ARAP2: variants seen among roughly 807,000 people sequenced by gnomAD.
ARAP2 encodes arf-GAP with Rho-GAP domain, ANK repeat and PH domain-containing protein 2.
Under a neutral mutation model 194.5 loss-of-function variants are expected in ARAP2, and 148 were observed. The observed-to-expected ratio is 0.76, with a 90% CI of 0.67 to 0.87. The LOEUF (loss-of-function observed/expected upper bound fraction) is 0.87. ARAP2 is among the 40% of genes least tolerant of loss of function. ARAP2 has a pLI of 0.00. For synonymous variants in ARAP2, 695 were observed against 683.5 expected (o/e 1.02, Z -0.26); for missense variants, 2,128 against 1,989.7 (o/e 1.07, Z -1.32).
chr4:36,237,675 A>G (rs544252780), intron 1 of ARAP2, among the ~76,000 whole-genome samples: 1 of 152,308 alleles, frequency 6.6e-6, no homozygotes, highest in East Asian at 1.9e-4. Flanking sequence ...TGCCAGCTCC[A>G]TGCTTGTACA....
intron 32 of ARAP2, among the ~76,000 whole-genome samples, chr4:36,069,449 G>A (rs1726290677): frequency 6.6e-6 from 1 of 151,784 alleles, no homozygotes; most frequent in South Asian, 2.1e-4. Context: ...TGAATTGTAT[G>A]TATTTTTAAA....
chr4:36,105,544 A>C (rs1718162839), intron 27 of ARAP2, among the ~76,000 whole-genome samples: 1 of 151,980 alleles, frequency 6.6e-6, no homozygotes, highest in Non-Finnish European at 1.5e-5. Flanking sequence ...GATAGGTGGA[A>C]CATCACGAAA....
intron 1 of ARAP2, among the ~76,000 whole-genome samples, chr4:36,233,795 TCAC>T (rs1444732640): frequency 6.6e-6 from 1 of 152,232 alleles, no homozygotes; most frequent in African/African-American, 2.4e-5. Flanking sequence ...ATAATTATTT[TCAC>T]CACTATAGTC....
At chr4:36,044,039 G>T (rs1052067311) in intron 5 of ARAP2, among the ~76,000 whole-genome samples, 2 of 152,016 alleles carry the variant, frequency 1.3e-5, no homozygotes, top group Non-Finnish European at 2.9e-5. Context: ...CAGGAAATGC[G>T]CACCAGTATG....
intron 19 of ARAP2, among the ~76,000 whole-genome samples, chr4:36,136,783 A>ATATGTG (rs1490067782): frequency 7.0e-6 from 1 of 143,802 alleles, no homozygotes; most frequent in African/African-American, 2.6e-5. Context: ...AATCAAATAT[A>ATATGTG]TGTGTGTGTG....
intron 5 of ARAP2, among the ~76,000 whole-genome samples, chr4:36,040,120 G>A (rs1720598022): frequency 6.6e-6 from 1 of 152,088 alleles, no homozygotes; most frequent in African/African-American, 2.4e-5. Flanking sequence ...AGTTTAAAAT[G>A]GTCATTTTTA....
chr4:36,163,801 G>A (rs371235472), intron 11 of ARAP2, among the ~76,000 whole-genome samples: 1 of 152,168 alleles, frequency 6.6e-6, no homozygotes, highest in African/African-American at 2.4e-5. Context: ...ACAGCACAAA[G>A]GCCGTCTCTT....
At chr4:36,035,910 T>C (rs1359537272) in intron 5 of ARAP2, among the ~76,000 whole-genome samples, 1 of 152,154 alleles carries the variant, frequency 6.6e-6, no homozygotes. Context: ...TTCTCAACTG[T>C]TATACAGTAT....
In ARAP2 at chr4:36,068,247, A is replaced by C; in HGVS notation, c.4775T>G (p.Leu1592Arg). Residue 1592 changes from leucine to arginine, a missense_variant, in exon 33 of 33, where the codon CTC (leucine) becomes CGC (arginine). Leu to Arg is a moderately radical substitution (Grantham distance 102). Transcript: ENST00000303965. ...SARAELERLR[L>R]SEKCDKESVD... ...GGACTCTTTATCACACTTTTCACTG[A>C]GCCGCAGCCTTTCAAGTTCTGCTCT... 3.8e-6 allele frequency: 6 copies of C among 1,570,240 alleles called. No individual in the cohort carries two copies. The highest frequency in any genetic ancestry group is 5.2e-6 in the Non-Finnish European group (6 of 1,160,316).
intron 26 of ARAP2, among the ~76,000 whole-genome samples, chr4:36,110,183 G>C (rs115240454): frequency 0.03 from 4,545 of 151,770 alleles, 213 homozygotes; most frequent in African/African-American, 0.1. Context: ...ATTTTATTCT[G>C]TACACATATG....
intron 8 of ARAP2, among the ~76,000 whole-genome samples, chr4:36,184,070 T>TA: frequency 6.6e-6 from 1 of 152,182 alleles, no homozygotes; most frequent in Non-Finnish European, 1.5e-5. Flanking sequence ...TTAAAGTCCT[T>TA]AAGCCACTCT....
At chr4:36,233,585 A>G (rs1478573097) in intron 1 of ARAP2, among the ~76,000 whole-genome samples, 1 of 152,194 alleles carries the variant, frequency 6.6e-6, no homozygotes, top group Non-Finnish European at 1.5e-5. Flanking sequence ...AGACTAAATT[A>G]AAATCCCACC....
At chr4:36,212,316 T>C in intron 5 of ARAP2, 80 bp downstream of exon 5, 1 of 1,231,914 alleles carries the variant, frequency 8.1e-7, no homozygotes, top group Non-Finnish European at 1.1e-6. Flanking sequence ...TGACACACAA[T>C]ATTATACTAA....
At chr4:36,031,945 A>T (rs903970171) in intron 5 of ARAP2, among the ~76,000 whole-genome samples, 32 of 152,186 alleles carry the variant, frequency 2.1e-4, no homozygotes, top group Admixed American at 2.1e-3. Flanking sequence ...CTGGGATTAC[A>T]GACATGAGCC....
At chr4:36,185,708 G>C (rs1051350369) in intron 8 of ARAP2, among the ~76,000 whole-genome samples, 16 of 151,990 alleles carry the variant, frequency 1.1e-4, no homozygotes, top group Non-Finnish European at 2.1e-4. Context: ...GGGCGCAGTG[G>C]CTCATGCCTG....
rs986826131 is a variant in ARAP2, at chr4:36,073,953, G to A, written c.4609-130C>T. 5.8e-6 allele frequency: 7 copies of A among 1,200,874 alleles called. No individual in the cohort carries two copies. The African/African-American group carries it at 9.1e-5, about 16-fold the overall frequency. 74.4% of individuals were successfully genotyped at this position (1,200,874 alleles called of 1,614,324 possible). The stretch of plus-strand genomic sequence containing the variant: ...TGATTTCCATGAGAATTCCATTTGT[G>A]ATTATGATGTTGACTCTGGTGGCAG... On this transcript the variant is annotated intron_variant, in intron 31 of 32. Coordinates refer to ENST00000303965, the MANE Select transcript of ARAP2 (RefSeq NM_015230.4).
At chr4:36,124,148 G>A (rs1014871164) in intron 22 of ARAP2, among the ~76,000 whole-genome samples, 5 of 151,818 alleles carry the variant, frequency 3.3e-5, no homozygotes, top group Non-Finnish European at 7.4e-5. Context: ...AACACAAATT[G>A]TGAAACATTT....
chr4:36,121,455 C>T (rs1262890284), intron 22 of ARAP2, 129 bp from the exon 23 acceptor site: 6 of 770,554 alleles, frequency 7.8e-6, no homozygotes, highest in Non-Finnish European at 1.2e-5. Flanking sequence ...ACAGTGGTGA[C>T]TTAAAAGCAT....
chr4:36,030,590 C>T (rs927905825), intron 5 of ARAP2, among the ~76,000 whole-genome samples: 1 of 151,850 alleles, frequency 6.6e-6, no homozygotes, highest in African/African-American at 2.4e-5. Flanking sequence ...TCTCTCTGAC[C>T]CTTTTGAGCT....
Sources: gnomAD v4.1 joint callset for allele counts (sites outside exome capture counted in the v4.1 genomes callset) on GRCh38, gnomAD v4.1.1 for gene constraint, MANE v1.5 for transcripts, NCBI Gene and HGNC (gene_info 2026-07-23, HGNC 2026-07-21) for gene names.